TK2: variants seen among roughly 807,000 people sequenced by gnomAD.
The protein encoded by TK2 is thymidine kinase 2, mitochondrial.
In TK2, 35 loss-of-function variants were observed where a neutral mutation model predicts 41.9. The ratio of observed to expected loss-of-function variants is 0.84; its 90% CI spans 0.64 to 1.11. The LOEUF (loss-of-function observed/expected upper bound fraction) is 1.11. Ranked by LOEUF, TK2 falls within the 50% of genes least tolerant of loss-of-function variation. TK2 has a pLI of 0.00. For missense variants in TK2, 320 were observed against 351.1 expected, an observed-to-expected ratio of 0.91 and a Z score of 0.71; for synonymous variants, 128 against 129.1, an observed-to-expected ratio of 0.99 and a Z score of 0.06.
chr16:66,545,613 T>G (rs1965583345), intron 2 of TK2, among the ~76,000 whole-genome samples: 4 of 152,020 alleles, frequency 2.6e-5, no homozygotes, highest in African/African-American at 7.2e-5. Context: ...CACCTGAGGT[T>G]AGGAGTTCGA....
chr16:66,531,670 G>A (rs1965117640), intron 4 of TK2, among the ~76,000 whole-genome samples: 1 of 152,180 alleles, frequency 6.6e-6, no homozygotes, highest in Non-Finnish European at 1.5e-5. Flanking sequence ...TATGGTAACA[G>A]CTATAATAGG....
intron 6 of TK2, chr16:66,518,160 A>C (rs1964672967): frequency 2.2e-6 from 1 of 454,534 alleles, no homozygotes; most frequent in African/African-American, 2.0e-5. Flanking sequence ...AAGGGACTTT[A>C]AAGCTTGTAC....
chr16:66,519,753 C>T (rs1267608754), intron 6 of TK2, among the ~76,000 whole-genome samples: 3 of 152,176 alleles, frequency 2.0e-5, no homozygotes, highest in Non-Finnish European at 2.9e-5. Context: ...ATGTGGGTCC[C>T]GCTCAGAGCT....
At chr16:66,541,833 C>T in intron 3 of TK2, 46 bp downstream of exon 3, 1 of 1,598,716 alleles carries the variant, frequency 6.3e-7, no homozygotes, top group Non-Finnish European at 8.6e-7. Context: ...TAAATTATCC[C>T]ATCAAGCTTT....
intron 6 of TK2, among the ~76,000 whole-genome samples, chr16:66,522,897 G>A (rs559454511): frequency 6.6e-6 from 1 of 152,208 alleles, no homozygotes; most frequent in South Asian, 2.1e-4. Flanking sequence ...CGTCTTTAAG[G>A]ATACTGTGTA....
chr16:66,536,098 G>A (rs1331371426), intron 4 of TK2, among the ~76,000 whole-genome samples: 2 of 151,844 alleles, frequency 1.3e-5, no homozygotes, highest in Non-Finnish European at 2.9e-5. Flanking sequence ...CAGCTAGTCA[G>A]GAGAGTGAGG....
In TK2 at chr16:66,541,936, A is replaced by G. The variant is rs771309685; in HGVS notation, c.174T>C (p.Asn58=). ...GGCATGTCGTCTTCCCACTTGCAAT[A>G]TTGCCCTCGACACAGATCTGGCAAA... is the stretch of plus-strand genomic sequence containing the variant. ...EKKSVICVEG[N]IASGKTTCLE... The change falls in exon 3 of 10, where the codon AAT becomes AAC. Residue 58 remains asparagine, a synonymous_variant. Transcript: ENST00000544898. 9 of 1,613,994 alleles carry G rather than the reference A, an allele frequency of 5.6e-6. No homozygotes were observed.
chr16:66,545,649 C>A (rs1965584939), intron 2 of TK2, among the ~76,000 whole-genome samples: 1 of 152,054 alleles, frequency 6.6e-6, no homozygotes, highest in African/African-American at 2.4e-5. Context: ...CGTGGTGAAA[C>A]CCCGACTCTA....
rs1360184904 is a variant in TK2, at chr16:66,550,026, C to T, written c.36G>A (p.Arg12=). The T allele has an allele frequency of 6.5e-7, 1 of 1,549,936 alleles. No homozygotes were observed. Among genetic ancestry groups the T allele is most frequent in the Non-Finnish European group, 8.7e-7 (1 of 1,148,392 alleles). ...LLWPLRGWAA[R]ALRCFGPGSR... ...TTCCCGGCCCAAAGCAGCGCAGCGC[C>T]CGGGCGGCCCAGCCCCGCAGCGGCC... Residue 12 remains arginine (R), a synonymous_variant, in exon 1 of 10, where the codon CGG becomes CGA. Coordinates refer to ENST00000544898, the MANE Select transcript of TK2 (RefSeq NM_004614.5).
intron 1 of TK2, chr16:66,549,475 C>T: frequency 9.6e-7 from 1 of 1,042,546 alleles, no homozygotes; most frequent in Non-Finnish European, 1.2e-6. Flanking sequence ...ATGGCGGACA[C>T]CAGAACCCGG....
Position 66,550,016 on chromosome 16 carries a change from A to C in TK2, c.46T>G (p.Cys16Gly). ...LRGWAARALR[C>G]FGPGSRGSPA... ...CTCCCGCGACTTCCCGGCCCAAAGC[A>C]GCGCAGCGCCCGGGCGGCCCAGCCC... Residue 16 changes from cysteine to glycine, a missense_variant, in exon 1 of 10, where the codon TGC (cysteine) becomes GGC (glycine). Physicochemically the swap from Cys to Gly is radical, Grantham distance 159. Coordinates refer to ENST00000544898, the MANE Select transcript of TK2 (RefSeq NM_004614.5). 1 of 1,545,416 alleles carries C rather than the reference A, an allele frequency of 6.5e-7. No individual in the cohort carries two copies. The highest frequency in any genetic ancestry group is 1.2e-5 in the South Asian group (1 of 83,930).
intron 4 of TK2, among the ~76,000 whole-genome samples, chr16:66,535,872 T>C (rs1412092040): frequency 6.6e-6 from 1 of 152,182 alleles, no homozygotes; most frequent in Admixed American, 6.5e-5. Context: ...ACTCAGAGTC[T>C]AATGAACCAC....
chr16:66,511,693 G>A lies in TK2; in HGVS notation c.*275C>T, dbSNP rs559851767. 10 of 522,208 alleles carry A rather than the reference G, an allele frequency of 1.9e-5. No individual in the cohort carries two copies. The highest frequency in any genetic ancestry group is 1.7e-4 in the African/African-American group (9 of 52,230). The allele number at this position is 522,208 out of a possible 1,614,324, so 32.3% of individuals were successfully genotyped here. ...TGCTCTCCCTAAGGGCTTCATGAGA[G>A]CGACTCAGCAGCACAAAGCCATGGG... On this transcript the variant is annotated 3_prime_UTR_variant, in exon 10 of 10. Transcript: ENST00000544898.
intron 6 of TK2, among the ~76,000 whole-genome samples, chr16:66,519,876 A>G (rs1325992929): frequency 6.6e-6 from 1 of 152,150 alleles, no homozygotes; most frequent in Non-Finnish European, 1.5e-5. Flanking sequence ...CGAGGGGATG[A>G]GCATGGAAGG....
intron 1 of TK2, chr16:66,549,320 G>A: frequency 1.7e-6 from 2 of 1,186,408 alleles, no homozygotes; most frequent in Non-Finnish European, 2.1e-6. Flanking sequence ...TGGAAAGGCA[G>A]AACAGCCTCC....
chr16:66,515,532 C>T (rs916750074), intron 8 of TK2, among the ~76,000 whole-genome samples: 33 of 152,246 alleles, frequency 2.2e-4, no homozygotes, highest in African/African-American at 7.5e-4. Context: ...AGATTCCACT[C>T]GCCATCCCAG....
chr16:66,549,680 G>A (rs1419649486), intron 1 of TK2: 6 of 1,231,632 alleles, frequency 4.9e-6, no homozygotes, highest in Non-Finnish European at 6.1e-6. Context: ...GTTTGGGCCG[G>A]AATGTTCAGA....
At chr16:66,531,193 G>C (rs747707700) in intron 5 of TK2, among the ~76,000 whole-genome samples, 187 bp downstream of exon 5, 1 of 152,218 alleles carries the variant, frequency 6.6e-6, no homozygotes, top group African/African-American at 2.4e-5. Flanking sequence ...AGGTTTGCAG[G>C]TGGGGGCACT....
chr16:66,528,400 A>G (rs1965001114), intron 6 of TK2, among the ~76,000 whole-genome samples: 1 of 152,176 alleles, frequency 6.6e-6, no homozygotes, highest in African/African-American at 2.4e-5. Flanking sequence ...CTTTTAGTGA[A>G]AAACACAACA....
Sources: allele counts gnomAD v4.1 joint callset (sites outside exome capture counted in the v4.1 genomes callset), GRCh38; gene constraint gnomAD v4.1.1; transcripts MANE v1.5; gene names NCBI Gene and HGNC (gene_info 2026-07-23, HGNC 2026-07-21).